Variants in BMPR1B observed in about 807,000 individuals in gnomAD.
BMPR1B encodes the protein bone morphogenetic protein receptor type-1B.
Under a neutral mutation model 59.1 loss-of-function variants are expected in BMPR1B, and 12 were observed. That is an observed-to-expected ratio of 0.20 (90% CI 0.13 to 0.33). BMPR1B has a LOEUF of 0.33. BMPR1B is among the 10% of genes least tolerant of loss of function. The probability of loss-of-function intolerance (pLI) is 1.00; values close to 1 mark genes in which losing one functional copy is unlikely to be tolerated. For synonymous variants in BMPR1B, 237 were observed against 207.3 expected, an observed-to-expected ratio of 1.14 and a Z score of -1.23; for missense variants, 550 against 610.9, an observed-to-expected ratio of 0.90 and a Z score of 1.05.
At chr4:95,054,608 C>T (rs1032165478) in intron 3 of BMPR1B, among the ~76,000 whole-genome samples, 3 of 152,070 alleles carry the variant, frequency 2.0e-5, no homozygotes, top group Non-Finnish European at 4.4e-5. Flanking sequence ...CCCCTTTATT[C>T]TCCAAACATA....
At chr4:94,913,168 T>C (rs186286829) in intron 2 of BMPR1B, among the ~76,000 whole-genome samples, 169 of 152,274 alleles carry the variant, frequency 1.1e-3, no homozygotes, top group African/African-American at 3.8e-3. Flanking sequence ...ATGAAATAAT[T>C]TTCAAGTGGG....
At position 94,781,212 on chromosome 4, in the gene BMPR1B, G is replaced by A. The variant is rs191251809; in HGVS notation, c.-183+23144G>A. ...TTATGGAGTTGTAAGTGTTCTTTAG[G>A]TTTTCTAAATATATGTCTCATAACA... On this transcript the variant is annotated intron_variant, in intron 1 of 12. Coordinates refer to ENST00000515059, the MANE Select transcript of BMPR1B (RefSeq NM_001203.3). 1.7e-3 allele frequency among the ~76,000 whole-genome samples: 253 copies of A among 151,880 alleles called. 3 individuals are homozygous for A. The highest frequency in any genetic ancestry group is 6.0e-3 in the African/African-American group (248 of 41,404).
chr4:95,066,711 G>T (rs943389506), intron 3 of BMPR1B, among the ~76,000 whole-genome samples: 4 of 152,126 alleles, frequency 2.6e-5, no homozygotes, highest in African/African-American at 9.7e-5. Flanking sequence ...ATGGGAACCT[G>T]GTATAAAAGC....
intron 4 of BMPR1B, among the ~76,000 whole-genome samples, chr4:95,113,352 A>C (rs958774343): frequency 6.6e-6 from 1 of 152,122 alleles, no homozygotes; most frequent in Non-Finnish European, 1.5e-5. Context: ...TGGCTCTTAT[A>C]AAGTGAAGTA....
intron 1 of BMPR1B, among the ~76,000 whole-genome samples, chr4:94,772,285 ATGT>A (rs1038397268): frequency 4.6e-4 from 70 of 152,238 alleles, no homozygotes; most frequent in Admixed American, 1.0e-3. Flanking sequence ...TGTCTTCAGC[ATGT>A]TGTTGTTAAT....
intron 11 of BMPR1B, 42 bp downstream of exon 11, chr4:95,148,965 A>G (rs760472744): frequency 3.9e-5 from 63 of 1,604,092 alleles, no homozygotes; most frequent in Non-Finnish European, 4.9e-5. Flanking sequence ...TATTGGAGCT[A>G]CTATAAATCC....
At chr4:94,807,803 G>A (rs948462932) in intron 1 of BMPR1B, among the ~76,000 whole-genome samples, 6 of 152,100 alleles carry the variant, frequency 3.9e-5, no homozygotes, top group Non-Finnish European at 5.9e-5. Flanking sequence ...TTGTGCCTCA[G>A]CCTCCCAAGT....
chr4:94,968,998 G>C (rs185057835), intron 2 of BMPR1B, among the ~76,000 whole-genome samples: 4 of 151,832 alleles, frequency 2.6e-5, no homozygotes, highest in African/African-American at 7.3e-5. Flanking sequence ...CCAGAAGTTA[G>C]ATAGGCATAG....
At chr4:94,820,830 C>G (rs1724181529) in intron 1 of BMPR1B, among the ~76,000 whole-genome samples, 1 of 152,214 alleles carries the variant, frequency 6.6e-6, no homozygotes, top group South Asian at 2.1e-4. Context: ...AATTCATTCT[C>G]TACTGTTGGC....
Position 95,131,314 on chromosome 4 carries a change from C to T in BMPR1B, c.878C>T (p.Ser293Phe). ...ENGSLYDYLK[S>F]TTLDAKSMLK... ...GGTTCCCTTTATGATTATCTGAAGTCCACCACCCTAGACGCTAAATCAATG... is the reference window on the plus strand; with the variant it reads ...GGTTCCCTTTATGATTATCTGAAGTTCACCACCCTAGACGCTAAATCAATG... Residue 293 changes from serine to phenylalanine, a missense_variant, in exon 10 of 13, where the codon TCC becomes TTC. This residue lies in a region of BMPR1B where 318 missense variants were observed against 284.6 expected (regional missense o/e 1.12). Transcript: ENST00000515059. The T allele has an allele frequency of 1.6e-5, 26 of 1,613,912 alleles. No individual in the cohort carries two copies. Among genetic ancestry groups the T allele is most frequent in the East Asian group, 2.2e-5 (1 of 44,844 alleles).
chr4:95,053,535 G>A (rs1257059179), intron 3 of BMPR1B, among the ~76,000 whole-genome samples: 1 of 152,060 alleles, frequency 6.6e-6, no homozygotes, highest in Non-Finnish European at 1.5e-5. Context: ...AAATGAGTAA[G>A]TATACATAAG....
chr4:95,031,645 G>C (rs1045451276), intron 3 of BMPR1B, among the ~76,000 whole-genome samples: 2 of 152,094 alleles, frequency 1.3e-5, no homozygotes, highest in African/African-American at 4.8e-5. Flanking sequence ...ATTTTAAGAA[G>C]CTACTGTGAC....
rs1172060188 is a variant in BMPR1B at position 94,793,004 on chromosome 4, CTTTTTTT to C, written c.-183+34939_-183+34945del. Among the ~76,000 whole-genome samples, 7 of 1,016 alleles carry C rather than the reference CTTTTTTT, an allele frequency of 6.9e-3. No individual in the cohort carries two copies. The South Asian group carries it at 0.3, about 44-fold the overall frequency. 0.7% of individuals were successfully genotyped at this position (1,016 alleles called of 152,430 possible). A position where few individuals can be genotyped will look rare whatever the true frequency, so the allele number is the denominator to read the frequency against. ...TTCCAATAGAAGGATCTATAGAAAA[CTTTTTTT>C]TTCTTTTTTTTTATTATTATTATAC... On this transcript the variant is annotated intron_variant, in intron 1 of 12. Coordinates refer to ENST00000515059, the MANE Select transcript of BMPR1B (RefSeq NM_001203.3).
intron 1 of BMPR1B, among the ~76,000 whole-genome samples, chr4:94,834,865 T>C (rs535915423): frequency 6.6e-6 from 1 of 151,836 alleles, no homozygotes; most frequent in Non-Finnish European, 1.5e-5. Flanking sequence ...AGTTCTTTCC[T>C]ACTTCTTGAA....
intron 1 of BMPR1B, among the ~76,000 whole-genome samples, chr4:94,864,027 G>A (rs2148959924): frequency 6.6e-6 from 1 of 152,308 alleles, no homozygotes; most frequent in African/African-American, 2.4e-5. Flanking sequence ...TAGACATGAT[G>A]AATTTTAAAT....
At chr4:94,959,134 A>G (rs1311754372) in intron 2 of BMPR1B, among the ~76,000 whole-genome samples, 1 of 152,180 alleles carries the variant, frequency 6.6e-6, no homozygotes, top group African/African-American at 2.4e-5. Flanking sequence ...TGGGGAGTCC[A>G]TATTAAAGAT....
chr4:94,763,951 A>T (rs561591853), intron 1 of BMPR1B, among the ~76,000 whole-genome samples: 18 of 152,252 alleles, frequency 1.2e-4, no homozygotes, highest in African/African-American at 4.1e-4. Flanking sequence ...TCCCTTTATT[A>T]TGGAACGTGG....
rs770070277 is a variant in BMPR1B, at chr4:95,154,715, T to TG, written c.*42_*43insG. The TG allele has an allele frequency of 1.7e-5, 28 of 1,610,962 alleles. No individual in the cohort carries two copies. The South Asian group carries it at 2.7e-4, about 16-fold the overall frequency. On this transcript the variant is annotated 3_prime_UTR_variant, in exon 13 of 13. Transcript: ENST00000515059. ...AGCATCTCTGCAGAAAGCCAACAGG[T>TG]ACTCTTCTGTTTGTGGGCAGAGCAA...
At chr4:94,834,865 T>G (rs535915423) in intron 1 of BMPR1B, among the ~76,000 whole-genome samples, 4 of 151,942 alleles carry the variant, frequency 2.6e-5, no homozygotes, top group African/African-American at 9.6e-5. Context: ...AGTTCTTTCC[T>G]ACTTCTTGAA....
Sources: allele counts gnomAD v4.1 joint callset (sites outside exome capture counted in the v4.1 genomes callset), GRCh38; gene constraint gnomAD v4.1.1; regional missense constraint gnomAD v4.1.1; transcripts MANE v1.5; gene names NCBI Gene and HGNC (gene_info 2026-07-23, HGNC 2026-07-21).